Variants in PPP1R9A observed in about 807,000 individuals in gnomAD.
PPP1R9A encodes neurabin-1.
Under a neutral mutation model 141.9 loss-of-function variants are expected in PPP1R9A, and 59 were observed. That is an observed-to-expected ratio of 0.42 (90% CI 0.34 to 0.52). The LOEUF is 0.52. Ranked by LOEUF, PPP1R9A falls within the 20% of genes least tolerant of loss-of-function variation. PPP1R9A has a pLI of 0.10. For synonymous variants in PPP1R9A, 500 were observed against 569.7 expected (o/e 0.88, Z 1.74); for missense variants, 1,444 against 1,611.9 (o/e 0.90, Z 1.78).
chr7:95,273,453 G>A (rs543901271), intron 14 of PPP1R9A, among the ~76,000 whole-genome samples: 213 of 152,212 alleles, frequency 1.4e-3, no homozygotes, highest in African/African-American at 4.8e-3. Flanking sequence ...GATATTCTGC[G>A]CTGGGCTTTG....
At chr7:95,147,636 C>A (rs2152626371) in intron 4 of PPP1R9A, among the ~76,000 whole-genome samples, 1 of 152,246 alleles carries the variant, frequency 6.6e-6, no homozygotes, top group Non-Finnish European at 1.5e-5. Context: ...ATGGGTTTGT[C>A]ATAAATAGTT....
intron 2 of PPP1R9A, among the ~76,000 whole-genome samples, chr7:94,968,330 G>A (rs1180669228): frequency 1.3e-5 from 2 of 151,822 alleles, no homozygotes; most frequent in Non-Finnish European, 2.9e-5. Flanking sequence ...CCGCCACTAC[G>A]CCCGGCTAAT....
intron 2 of PPP1R9A, among the ~76,000 whole-genome samples, chr7:94,943,045 T>C (rs1357348853): frequency 6.6e-6 from 1 of 152,150 alleles, no homozygotes; most frequent in Admixed American, 6.5e-5. Context: ...ATAGATCTCA[T>C]TTCATCATTC....
chr7:95,223,120 A>G (rs531318461), intron 7 of PPP1R9A, among the ~76,000 whole-genome samples: 1 of 152,162 alleles, frequency 6.6e-6, no homozygotes, highest in East Asian at 1.9e-4. Flanking sequence ...AGCAAAAGAC[A>G]TATTTGTCCT....
intron 2 of PPP1R9A, among the ~76,000 whole-genome samples, chr7:95,013,390 T>A (rs1454534275): frequency 6.6e-6 from 1 of 152,142 alleles, no homozygotes; most frequent in Non-Finnish European, 1.5e-5. Context: ...TTCATTCATA[T>A]TCCTTAAATA....
At chr7:95,143,844 T>G (rs1469296334) in intron 4 of PPP1R9A, among the ~76,000 whole-genome samples, 2 of 151,900 alleles carry the variant, frequency 1.3e-5, no homozygotes, top group Non-Finnish European at 2.9e-5. Flanking sequence ...GTCTTTTAAT[T>G]TTTAATTTGT....
At chr7:95,007,470 A>G (rs1433992309) in intron 2 of PPP1R9A, among the ~76,000 whole-genome samples, 6 of 152,166 alleles carry the variant, frequency 3.9e-5, no homozygotes, top group Non-Finnish European at 8.8e-5. Context: ...CTCTAGGGCA[A>G]GAAGGTCTTT....
chr7:95,248,438 C>T (rs953676854), intron 9 of PPP1R9A, among the ~76,000 whole-genome samples: 3 of 151,862 alleles, frequency 2.0e-5, no homozygotes, highest in Admixed American at 6.6e-5. Flanking sequence ...AGTCAAAATA[C>T]GACTATACAT....
intron 2 of PPP1R9A, among the ~76,000 whole-genome samples, chr7:95,027,176 A>C (rs747800122): frequency 4.6e-5 from 7 of 152,004 alleles, no homozygotes; most frequent in Non-Finnish European, 1.0e-4. Flanking sequence ...CTAAACAGCC[A>C]CCCAGTTTTG....
intron 7 of PPP1R9A, among the ~76,000 whole-genome samples, chr7:95,206,613 C>A (rs1790847766): frequency 6.6e-6 from 1 of 152,094 alleles, no homozygotes; most frequent in Non-Finnish European, 1.5e-5. Flanking sequence ...CAGCCTGAGA[C>A]AACTATTCAG....
intron 2 of PPP1R9A, among the ~76,000 whole-genome samples, chr7:94,981,196 T>G (rs1035915941): frequency 6.6e-6 from 1 of 152,138 alleles, no homozygotes; most frequent in African/African-American, 2.4e-5. Flanking sequence ...GGTACCCTTG[T>G]TCCCATAAAC....
chr7:95,097,066 A>G (rs1249996066), intron 2 of PPP1R9A, among the ~76,000 whole-genome samples: 1 of 151,522 alleles, frequency 6.6e-6, no homozygotes, highest in African/African-American at 2.4e-5. Flanking sequence ...TTTTCCTGTC[A>G]CCCAGTCTGG....
intron 2 of PPP1R9A, among the ~76,000 whole-genome samples, chr7:95,099,927 A>C (rs1818535362): frequency 6.6e-6 from 1 of 152,158 alleles, no homozygotes; most frequent in African/African-American, 2.4e-5. Flanking sequence ...TATTTCATTA[A>C]TATTTCTATA....
At chr7:95,203,522 A>T (rs1185966803) in intron 6 of PPP1R9A, 143 bp from the exon 7 acceptor site, 1 of 519,868 alleles carries the variant, frequency 1.9e-6, no homozygotes, top group Non-Finnish European at 3.3e-6. Flanking sequence ...GGCATTTTTT[A>T]CCAACATGCC....
intron 5 of PPP1R9A, among the ~76,000 whole-genome samples, chr7:95,181,716 GTCACATATATATAGAATA>G (rs1833868138): frequency 9.0e-6 from 1 of 110,688 alleles, no homozygotes; most frequent in Non-Finnish European, 1.8e-5. Flanking sequence ...TATATATTCC[GTCACATATATATAGAATA>G]TATATATATT....
chr7:94,996,817 T>C (rs1802240640), intron 2 of PPP1R9A, among the ~76,000 whole-genome samples: 1 of 124,962 alleles, frequency 8.0e-6, no homozygotes, highest in Non-Finnish European at 1.8e-5. Flanking sequence ...TTTTTTTTTT[T>C]TGAGATGGAG....
In PPP1R9A at chr7:95,146,489, T is replaced by C. The variant is rs1827640639; in HGVS notation, c.1650-15378T>C. ...ATAGTTTCTTTTGCTGTGCAGAAGC[T>C]CTTTAGTTTAATTAGATCCCATTTG... On this transcript the variant is annotated intron_variant, in intron 4 of 19. Transcript: ENST00000433360. 3.9e-5 allele frequency among the ~76,000 whole-genome samples: 6 copies of C among 152,238 alleles called. No homozygotes were observed. In the South Asian group the frequency reaches 1.0e-3, roughly 26 times the overall value.
At chr7:95,155,455 T>G (rs1359446531) in intron 4 of PPP1R9A, 1 of 152,226 alleles carries the variant, frequency 6.6e-6, no homozygotes, top group Non-Finnish European at 1.5e-5. Context: ...CCTCCCAAAG[T>G]GCTCGATTGT....
At chr7:95,108,905 C>T (rs1294390433) in intron 2 of PPP1R9A, 3 of 152,164 alleles carry the variant, frequency 2.0e-5, no homozygotes, top group African/African-American at 7.2e-5. Flanking sequence ...AGAATGAATA[C>T]TGTTTAAACC....
Sources: gnomAD v4.1 joint callset for allele counts (sites outside exome capture counted in the v4.1 genomes callset) on GRCh38, gnomAD v4.1.1 for gene constraint, MANE v1.5 for transcripts, NCBI Gene and HGNC (gene_info 2026-07-23, HGNC 2026-07-21) for gene names.